The following NRXN1 variants were observed in gnomAD, a reference collection of about 807,000 sequenced individuals.
The protein encoded by NRXN1 is neurexin-1.
In NRXN1, 39 loss-of-function variants were observed where a neutral mutation model predicts 150.9. The observed-to-expected ratio is 0.26, with a 90% CI of 0.20 to 0.34. The LOEUF (loss-of-function observed/expected upper bound fraction) is 0.34. Ranked by LOEUF, NRXN1 falls within the 10% of genes least tolerant of loss-of-function variation. The pLI is 1.00. For synonymous variants in NRXN1, 924 were observed against 757.0 expected, an observed-to-expected ratio of 1.22 and a Z score of -3.62; for missense variants, 1,815 against 1,949.9, an observed-to-expected ratio of 0.93 and a Z score of 1.30.
At chr2:50,321,219 G>T (rs981761324) in intron 17 of NRXN1, among the ~76,000 whole-genome samples, 1 of 152,114 alleles carries the variant, frequency 6.6e-6, no homozygotes, top group African/African-American at 2.4e-5. Flanking sequence ...AAGTATCCTG[G>T]AATGCATGAC....
chr2:50,018,946 A>G (rs1358550189), intron 21 of NRXN1, among the ~76,000 whole-genome samples: 1 of 152,194 alleles, frequency 6.6e-6, no homozygotes, highest in Non-Finnish European at 1.5e-5. Context: ...AATCAAGAAA[A>G]TATGTGTTGG....
Position 50,961,993 on chromosome 2 carries a change from TA to T in NRXN1, c.773-36039del, listed in dbSNP as rs1221885595. ...AAAAAAAGAAGAAGAAAAATTTAAATAAAAAACTAAAGGCAATATAAGAAAT... is the reference window on the plus strand; with the variant it reads ...AAAAAAAGAAGAAGAAAAATTTAAATAAAAACTAAAGGCAATATAAGAAAT... On this transcript the variant is annotated intron_variant, in intron 2 of 22. Transcript: ENST00000401669. Among the ~76,000 whole-genome samples, 16 of 151,126 alleles carry T rather than the reference TA, an allele frequency of 1.1e-4. 1 individual carries two copies. In the Admixed American group the frequency reaches 1.1e-3, roughly 10 times the overall value.
chr2:50,545,647 A>C (rs1032754385), intron 9 of NRXN1, among the ~76,000 whole-genome samples: 7 of 152,224 alleles, frequency 4.6e-5, no homozygotes, highest in Non-Finnish European at 1.5e-5. Context: ...CAGGACATGA[A>C]ATACTTCCCA....
At chr2:50,248,451 A>C (rs1025045766) in intron 17 of NRXN1, among the ~76,000 whole-genome samples, 1 of 152,316 alleles carries the variant, frequency 6.6e-6, no homozygotes, top group African/African-American at 2.4e-5. Context: ...AGGTGGGCAG[A>C]AGACATTTAA....
intron 5 of NRXN1, among the ~76,000 whole-genome samples, chr2:50,890,627 T>C (rs1478833183): frequency 6.6e-6 from 1 of 151,904 alleles, no homozygotes; most frequent in Non-Finnish European, 1.5e-5. Context: ...ACGTTAAGTA[T>C]GAATGTGATT....
chr2:50,006,793 C>T (rs188593633), intron 21 of NRXN1, among the ~76,000 whole-genome samples: 2 of 152,100 alleles, frequency 1.3e-5, no homozygotes, highest in Non-Finnish European at 2.9e-5. Context: ...TGATTCAAAT[C>T]CCCCTCTCTG....
intron 2 of NRXN1, among the ~76,000 whole-genome samples, chr2:51,023,155 A>T (rs769350958): frequency 2.6e-5 from 4 of 152,188 alleles, no homozygotes; most frequent in Non-Finnish European, 4.4e-5. Flanking sequence ...TGACTGACAA[A>T]CAGAAAATGT....
At chr2:50,254,455 A>G (rs1405127094) in intron 17 of NRXN1, among the ~76,000 whole-genome samples, 1 of 150,442 alleles carries the variant, frequency 6.6e-6, no homozygotes, top group African/African-American at 2.5e-5. Flanking sequence ...GTCTTCTGCT[A>G]CCTTTTGGGT....
intron 15 of NRXN1, among the ~76,000 whole-genome samples, chr2:50,479,775 T>TTTC (rs1020011899): frequency 1.5e-4 from 20 of 130,150 alleles, no homozygotes; most frequent in Non-Finnish European, 2.3e-4. Context: ...TTCTTTTTTT[T>TTTC]TTTTTTTTTT....
intron 18 of NRXN1, among the ~76,000 whole-genome samples, chr2:50,138,966 A>T (rs552654784): frequency 6.6e-6 from 1 of 152,346 alleles, no homozygotes; most frequent in Non-Finnish European, 1.5e-5. Context: ...TGAGAGGTGC[A>T]GATAAAAGGT....
At chr2:50,505,188 A>G (rs1032687979) in intron 13 of NRXN1, among the ~76,000 whole-genome samples, 5 of 152,182 alleles carry the variant, frequency 3.3e-5, no homozygotes, top group Non-Finnish European at 5.9e-5. Context: ...ACAAATATAA[A>G]GCAAGGGACG....
intron 12 of NRXN1, among the ~76,000 whole-genome samples, chr2:50,525,170 C>A (rs759507461): frequency 6.6e-6 from 1 of 152,168 alleles, no homozygotes; most frequent in Admixed American, 6.6e-5. Flanking sequence ...AAACAGTCAT[C>A]TTCTCATGCA....
intron 2 of NRXN1, among the ~76,000 whole-genome samples, chr2:50,929,563 C>T (rs1459707664): frequency 6.6e-6 from 1 of 152,080 alleles, no homozygotes; most frequent in African/African-American, 2.4e-5. Context: ...ATCAAAACTG[C>T]CACTACTGCG....
intron 18 of NRXN1, among the ~76,000 whole-genome samples, chr2:50,125,142 C>A (rs1277462041): frequency 2.0e-5 from 3 of 152,024 alleles, no homozygotes; most frequent in African/African-American, 7.2e-5. Context: ...CCTTTATATT[C>A]TGAACACTGA....
intron 5 of NRXN1, among the ~76,000 whole-genome samples, chr2:50,863,488 T>C (rs1364068118): frequency 2.0e-5 from 3 of 151,948 alleles, no homozygotes; most frequent in East Asian, 1.9e-4. Flanking sequence ...CACAGTTTGA[T>C]TTTAGCAGAG....
At chr2:49,928,122 A>C (rs1015293527) in intron 22 of NRXN1, among the ~76,000 whole-genome samples, 2 of 151,086 alleles carry the variant, frequency 1.3e-5, no homozygotes, top group Admixed American at 6.6e-5. Flanking sequence ...AAAACATGCT[A>C]GTGGTTAAAA....
chr2:50,235,397 G>T (rs2065322377), intron 18 of NRXN1, among the ~76,000 whole-genome samples: 1 of 151,888 alleles, frequency 6.6e-6, no homozygotes, highest in Non-Finnish European at 1.5e-5. Context: ...ATTTTAAATT[G>T]AAATTTTACT....
chr2:50,948,547 C>T (rs994067142), intron 2 of NRXN1, among the ~76,000 whole-genome samples: 1 of 152,006 alleles, frequency 6.6e-6, no homozygotes, highest in South Asian at 2.1e-4. Context: ...GCTGGTTGAT[C>T]TGAATTTATT....
chr2:50,052,191 G>A (rs1439171006), intron 21 of NRXN1, among the ~76,000 whole-genome samples: 4 of 151,970 alleles, frequency 2.6e-5, no homozygotes, highest in Admixed American at 2.6e-4. Flanking sequence ...TGTTTCAAAT[G>A]CAAGAAGTAA....
Sources: gnomAD v4.1 joint callset for allele counts (sites outside exome capture counted in the v4.1 genomes callset) on GRCh38, gnomAD v4.1.1 for gene constraint, MANE v1.5 for transcripts, NCBI Gene and HGNC (gene_info 2026-07-23, HGNC 2026-07-21) for gene names.